The following MAGI2 variants were observed in gnomAD, a reference collection of about 807,000 sequenced individuals.
MAGI2 encodes membrane associated guanylate kinase, WW and PDZ domain containing 2.
Under a neutral mutation model 133.3 loss-of-function variants are expected in MAGI2, and 35 were observed. The observed-to-expected ratio is 0.26, with a 90% CI of 0.20 to 0.35. The LOEUF is 0.35. Ranked by LOEUF, MAGI2 falls within the 10% of genes least tolerant of loss-of-function variation. MAGI2 has a pLI of 1.00. For synonymous variants in MAGI2, 729 were observed against 710.6 expected (o/e 1.03, Z -0.41); for missense variants, 1,636 against 1,863.4 (o/e 0.88, Z 2.25).
At chr7:78,469,699 T>G (rs752538275) in intron 6 of MAGI2, among the ~76,000 whole-genome samples, 10 of 152,120 alleles carry the variant, frequency 6.6e-5, no homozygotes, top group Non-Finnish European at 1.2e-4. Flanking sequence ...TTTGGCCTTA[T>G]GTGGGAAAAA....
In MAGI2 at chr7:79,442,039, T is replaced by A. The variant is rs374158877; in HGVS notation, c.301+10981A>T. On this transcript the variant is annotated intron_variant, in intron 1 of 21. Transcript: ENST00000354212. ...GGTTATAATCCTGTGCATTGTAACA[T>A]TAATATTAGGATATTATCCCATACA... is the stretch of plus-strand genomic sequence containing the variant. Among the ~76,000 whole-genome samples the A allele has an allele frequency of 1.8e-4, 28 of 152,312 alleles. 1 individual carries two copies. In the East Asian group the frequency reaches 2.7e-3, roughly 15 times the overall value.
At chr7:78,284,181 A>AT (rs1183780465) in intron 9 of MAGI2, among the ~76,000 whole-genome samples, 2 of 152,166 alleles carry the variant, frequency 1.3e-5, no homozygotes, top group Non-Finnish European at 2.9e-5. Context: ...AGACTTAGAC[A>AT]TGCCAGTTTA....
chr7:79,053,208 C>T (rs1203535177), intron 1 of MAGI2, among the ~76,000 whole-genome samples: 3 of 152,078 alleles, frequency 2.0e-5, no homozygotes, highest in Non-Finnish European at 2.9e-5. Context: ...CTCCTGACCT[C>T]GTGATCCACC....
intron 2 of MAGI2, among the ~76,000 whole-genome samples, chr7:78,728,560 TTTTTTTTTTTTTTTTTTTTTTTTG>T (rs1821055266): frequency 1.3e-5 from 1 of 77,062 alleles, no homozygotes; most frequent in Non-Finnish European, 2.5e-5. Flanking sequence ...TTTTTTTTTT[TTTTTTTTTTTTTTTTTTTTTTTTG>T]AGACGGAGTC....
intron 2 of MAGI2, among the ~76,000 whole-genome samples, chr7:78,934,832 T>C (rs889593888): frequency 3.9e-5 from 6 of 152,278 alleles, no homozygotes; most frequent in African/African-American, 1.4e-4. Context: ...TCTGTTTCAG[T>C]ATTTGTCTAG....
intron 2 of MAGI2, among the ~76,000 whole-genome samples, chr7:78,709,067 G>A (rs1409854505): frequency 6.6e-6 from 1 of 151,764 alleles, no homozygotes; most frequent in Non-Finnish European, 1.5e-5. Flanking sequence ...CCCTCTTTCA[G>A]TCCACTCTCC....
chr7:79,072,987 T>C (rs569046867), intron 1 of MAGI2, among the ~76,000 whole-genome samples: 6 of 152,186 alleles, frequency 3.9e-5, no homozygotes, highest in African/African-American at 1.4e-4. Context: ...AGTATGCATT[T>C]GACACAGATT....
At chr7:79,238,968 G>A (rs1832159593) in intron 1 of MAGI2, among the ~76,000 whole-genome samples, 1 of 152,114 alleles carries the variant, frequency 6.6e-6, no homozygotes, top group African/African-American at 2.4e-5. Flanking sequence ...TGAATTCCAA[G>A]AGAAGAAAAT....
chr7:78,825,622 G>A (rs1456218732), intron 2 of MAGI2, among the ~76,000 whole-genome samples: 1 of 152,138 alleles, frequency 6.6e-6, no homozygotes, highest in Non-Finnish European at 1.5e-5. Context: ...GTGATGGATA[G>A]TCAACCTAAA....
chr7:78,832,903 G>A (rs1181606869), intron 2 of MAGI2, among the ~76,000 whole-genome samples: 1 of 152,150 alleles, frequency 6.6e-6, no homozygotes, highest in Non-Finnish European at 1.5e-5. Context: ...ATAGCTCTGG[G>A]AATGGAATGT....
At chr7:78,363,220 G>C (rs764920658) in intron 7 of MAGI2, among the ~76,000 whole-genome samples, 2 of 152,186 alleles carry the variant, frequency 1.3e-5, no homozygotes, top group Non-Finnish European at 2.9e-5. Flanking sequence ...GAGGCCGGCC[G>C]CGGTGGCTCA....
intron 9 of MAGI2, among the ~76,000 whole-genome samples, chr7:78,273,039 T>G (rs1794737205): frequency 6.6e-6 from 1 of 152,236 alleles, no homozygotes; most frequent in Non-Finnish European, 1.5e-5. Flanking sequence ...ATAGTGTCAA[T>G]GGTCTTTACA....
At position 78,919,151 on chromosome 7, in the gene MAGI2, A is replaced by G. The variant is rs552499011; in HGVS notation, c.418+87939T>C. On this transcript the variant is annotated intron_variant, in intron 2 of 21. Coordinates refer to ENST00000354212, the MANE Select transcript of MAGI2 (RefSeq NM_012301.4). ...AACCTACCCAAGCCATTATTTCTCC[A>G]TTTTCACTGTGTCTTTGTAATGTAG... Among the ~76,000 whole-genome samples, 10 of 152,146 alleles carry G rather than the reference A, an allele frequency of 6.6e-5. No individual in the cohort carries two copies. In the South Asian group the frequency reaches 2.1e-3, roughly 32 times the overall value.
At chr7:78,023,680 A>G (rs986676507) in intron 21 of MAGI2, among the ~76,000 whole-genome samples, 1 of 152,070 alleles carries the variant, frequency 6.6e-6, no homozygotes, top group Non-Finnish European at 1.5e-5. Flanking sequence ...TGCCCTCTCC[A>G]CCACTACCCT....
chr7:78,873,400 T>C (rs1795187736), intron 2 of MAGI2, among the ~76,000 whole-genome samples: 1 of 152,092 alleles, frequency 6.6e-6, no homozygotes, highest in Admixed American at 6.6e-5. Context: ...CTCCATCTCC[T>C]GTCAGATCAT....
chr7:79,330,180 CTTTTTTTTT>C (rs544172383), intron 1 of MAGI2, among the ~76,000 whole-genome samples: 3 of 59,126 alleles, frequency 5.1e-5, no homozygotes, highest in East Asian at 6.0e-4. Flanking sequence ...CAATCTGCAT[CTTTTTTTTT>C]TTTTTTTTTT....
At chr7:78,331,463 G>A (rs192342498) in intron 9 of MAGI2, among the ~76,000 whole-genome samples, 7 of 152,168 alleles carry the variant, frequency 4.6e-5, no homozygotes, top group Non-Finnish European at 1.0e-4. Context: ...CATTGATAAA[G>A]CAAGGCAATT....
chr7:79,116,842 C>T (rs1035991979), intron 1 of MAGI2, among the ~76,000 whole-genome samples: 1 of 152,176 alleles, frequency 6.6e-6, no homozygotes. Flanking sequence ...CTGGCTCCCT[C>T]TTCAGCCTCC....
rs972547053 is a variant in MAGI2 at position 78,806,862 on chromosome 7, T to A, written c.419-179623A>T. On this transcript the variant is annotated intron_variant, in intron 2 of 21. Coordinates refer to ENST00000354212, the MANE Select transcript of MAGI2 (RefSeq NM_012301.4). ...CAGCCTGGGCCACGGAGCAACACCC[T>A]GTCTCAAAATAAAATAAAATAAAAT... Among the ~76,000 whole-genome samples, 47 of 132,096 alleles carry A rather than the reference T, an allele frequency of 3.6e-4. 1 individual carries two copies. The highest frequency in any genetic ancestry group is 6.1e-4 in the Non-Finnish European group (39 of 63,714). 86.7% of individuals were successfully genotyped at this position (132,096 alleles called of 152,430 possible).
Sources: gnomAD v4.1 joint callset for allele counts (sites outside exome capture counted in the v4.1 genomes callset) on GRCh38, gnomAD v4.1.1 for gene constraint, MANE v1.5 for transcripts, NCBI Gene and HGNC (gene_info 2026-07-23, HGNC 2026-07-21) for gene names.